ABTB3: variants seen among roughly 807,000 people sequenced by gnomAD.
ABTB3 encodes the protein ankyrin repeat- and BTB/POZ domain-containing protein 3.
the ABTB3 span, among the ~76,000 whole-genome samples, chr12:107,568,195 G>A: frequency 5.3e-5 from 8 of 152,180 alleles, no homozygotes; most frequent in East Asian, 7.7e-4. Context: ...TATTCTGTGC[G>A]AGTTACTGAA....
the ABTB3 span, among the ~76,000 whole-genome samples, chr12:107,402,692 G>A: frequency 7.9e-5 from 12 of 152,258 alleles, no homozygotes; most frequent in East Asian, 1.2e-3. Flanking sequence ...TGCCTCCGCC[G>A]CCAGGATTCT....
the ABTB3 span, among the ~76,000 whole-genome samples, chr12:107,384,740 G>A: frequency 3.9e-5 from 6 of 152,198 alleles, no homozygotes; most frequent in Non-Finnish European, 7.3e-5. Flanking sequence ...AGGAGCGGGT[G>A]TGACCTTGAG....
At chr12:107,526,637 GA>G in the ABTB3 span, among the ~76,000 whole-genome samples, 4 of 150,652 alleles carry the variant, frequency 2.7e-5, no homozygotes, top group South Asian at 2.1e-4. Flanking sequence ...GTTGTTTAAA[GA>G]AAAAAAAATG....
the ABTB3 span, among the ~76,000 whole-genome samples, chr12:107,597,172 C>A: frequency 6.6e-6 from 1 of 152,222 alleles, no homozygotes; most frequent in African/African-American, 2.4e-5. Context: ...ACATTCTTAT[C>A]TTGAGCTCCA....
the ABTB3 span, among the ~76,000 whole-genome samples, chr12:107,437,687 C>T: frequency 1.3e-5 from 2 of 152,164 alleles, no homozygotes; most frequent in African/African-American, 4.8e-5. Flanking sequence ...CGGGTGTGAG[C>T]CACCACACCC....
At chr12:107,620,538 G>C in the ABTB3 span, among the ~76,000 whole-genome samples, 1 of 152,174 alleles carries the variant, frequency 6.6e-6, no homozygotes, top group African/African-American at 2.4e-5. Context: ...TCAGGAAGGA[G>C]GAATGGGAGG....
chr12:107,480,772 G>A, the ABTB3 span, among the ~76,000 whole-genome samples: 1 of 152,110 alleles, frequency 6.6e-6, no homozygotes, highest in Non-Finnish European at 1.5e-5. Context: ...ATGGCCCACT[G>A]CATCCACTTT....
the ABTB3 span, chr12:107,651,571 G>T: frequency 1.4e-6 from 1 of 719,986 alleles, no homozygotes; most frequent in South Asian, 1.6e-5. Context: ...TGACACTGCT[G>T]TGGAAGGTGA....
At chr12:107,649,495 G>A in the ABTB3 span, 1 of 538,252 alleles carries the variant, frequency 1.9e-6, no homozygotes, top group Non-Finnish European at 3.4e-6. Flanking sequence ...GGGTGCTAGT[G>A]CACTTGCTTG....
the ABTB3 span, among the ~76,000 whole-genome samples, chr12:107,501,625 G>A: frequency 6.6e-5 from 10 of 152,050 alleles, no homozygotes; most frequent in East Asian, 3.9e-4. Flanking sequence ...ACTTGAACCC[G>A]GGAGGCAGAG....
chr12:107,605,478 G>A, the ABTB3 span, among the ~76,000 whole-genome samples: 12 of 152,200 alleles, frequency 7.9e-5, no homozygotes, highest in Non-Finnish European at 1.2e-4. Context: ...CAGGAGCTGA[G>A]TCCTCTAGGC....
At chr12:107,360,395 T>G in the ABTB3 span, among the ~76,000 whole-genome samples, 1 of 152,090 alleles carries the variant, frequency 6.6e-6, no homozygotes, top group Non-Finnish European at 1.5e-5. Context: ...TGGGGTAAGA[T>G]GTAAGATGTT....
the ABTB3 span, chr12:107,319,228 G>A: frequency 6.4e-7 from 1 of 1,574,128 alleles, no homozygotes; most frequent in Non-Finnish European, 8.6e-7. Context: ...ACCTAGACGA[G>A]GTCCCCTGGA....
chr12:107,627,912 A>T, the ABTB3 span, among the ~76,000 whole-genome samples: 4 of 152,268 alleles, frequency 2.6e-5, no homozygotes, highest in African/African-American at 9.6e-5. Context: ...CCATAAGTGG[A>T]TACCCTACAT....
the ABTB3 span, among the ~76,000 whole-genome samples, chr12:107,367,893 G>A: frequency 6.6e-6 from 1 of 152,132 alleles, no homozygotes; most frequent in Non-Finnish European, 1.5e-5. Flanking sequence ...ATATGCTCTT[G>A]AACAGGTACA....
chr12:107,335,286 CAAAAAAAAAAAAAAAAAAAAA>C, the ABTB3 span, among the ~76,000 whole-genome samples: 173 of 18,646 alleles, frequency 9.3e-3, 7 homozygotes, highest in East Asian at 0.19. Flanking sequence ...GACCTTGTCT[CAAAAAAAAAAAAAAAAAAAAA>C]AAAAAAAAAA....
chr12:107,581,124 C>T, the ABTB3 span: 2 of 1,543,742 alleles, frequency 1.3e-6, no homozygotes, highest in South Asian at 1.2e-5. Flanking sequence ...CCCTAACGCG[C>T]GTCTCCGGGT....
the ABTB3 span, among the ~76,000 whole-genome samples, chr12:107,354,123 C>T: frequency 6.6e-6 from 1 of 152,108 alleles, no homozygotes; most frequent in African/African-American, 2.4e-5. Flanking sequence ...GTTCCACAAC[C>T]TTCCCCCAAT....
At chr12:107,438,596 T>C in the ABTB3 span, among the ~76,000 whole-genome samples, 1 of 152,204 alleles carries the variant, frequency 6.6e-6, no homozygotes, top group Admixed American at 6.5e-5. Flanking sequence ...CTGTGCTTTC[T>C]GGAAACGCAT....
Sources: allele counts gnomAD v4.1 joint callset (sites outside exome capture counted in the v4.1 genomes callset), GRCh38; gene constraint gnomAD v4.1.1; transcripts MANE v1.5; gene names NCBI Gene and HGNC (gene_info 2026-07-23, HGNC 2026-07-21).